The following SV2C variants were observed in gnomAD, a reference collection of about 807,000 sequenced individuals.
SV2C encodes solute carrier family 22 member B3.
In SV2C, 49 loss-of-function variants were observed where a neutral mutation model predicts 79.7. The ratio of observed to expected loss-of-function variants is 0.61; its 90% CI spans 0.49 to 0.78. SV2C has a LOEUF of 0.78. SV2C is among the 30% of genes least tolerant of loss of function. SV2C has a pLI of 0.00. For missense variants in SV2C, 833 were observed against 912.9 expected, an observed-to-expected ratio of 0.91 and a Z score of 1.13; for synonymous variants, 334 against 333.2, an observed-to-expected ratio of 1.00 and a Z score of -0.03.
At chr5:75,946,905 G>A in the SV2C span, among the ~76,000 whole-genome samples, 1 of 152,202 alleles carries the variant, frequency 6.6e-6, no homozygotes, top group African/African-American at 2.4e-5. Context: ...GAAATTTACT[G>A]TATGCCAGAT....
chr5:76,030,396 C>T, the SV2C span, among the ~76,000 whole-genome samples: 1 of 147,592 alleles, frequency 6.8e-6, no homozygotes, highest in Non-Finnish European at 1.5e-5. Flanking sequence ...GAAGAAAGGG[C>T]GTATTGAGCA....
chr5:75,910,209 G>A, the SV2C span: 3 of 376,014 alleles, frequency 8.0e-6, no homozygotes, highest in Non-Finnish European at 1.5e-5. Flanking sequence ...GGCTGAAGCA[G>A]GTGGATTGCA....
At chr5:76,133,088 A>G (rs191937613) in intron 2 of SV2C, among the ~76,000 whole-genome samples, 7 of 152,290 alleles carry the variant, frequency 4.6e-5, no homozygotes, top group Admixed American at 1.3e-4. Flanking sequence ...TTACAAAGCT[A>G]TAGTTAACAC....
intron 2 of SV2C, among the ~76,000 whole-genome samples, chr5:76,194,678 A>G (rs1365282036): frequency 2.0e-5 from 3 of 152,244 alleles, no homozygotes; most frequent in South Asian, 2.1e-4. Flanking sequence ...GTACTCAGCT[A>G]TCTGCAAAAC....
At chr5:75,894,656 A>G in the SV2C span, among the ~76,000 whole-genome samples, 53 of 152,292 alleles carry the variant, frequency 3.5e-4, no homozygotes, top group African/African-American at 1.2e-3. Context: ...GTCAAAAACA[A>G]TCAATGGCAA....
At position 76,173,585 on chromosome 5, in the gene SV2C, A is replaced by G. The variant is rs1743400347; in HGVS notation, c.581-21334A>G. ...AATGCTGGCACTGTTGAATTGGGCAACAGTTCTTCAGACCTGGCTCAGAGC... is the reference window on the plus strand; with the variant it reads ...AATGCTGGCACTGTTGAATTGGGCAGCAGTTCTTCAGACCTGGCTCAGAGC... On this transcript the variant is annotated intron_variant, in intron 2 of 12. Coordinates refer to ENST00000502798, the MANE Select transcript of SV2C (RefSeq NM_014979.4). The G allele has an allele frequency of 1.9e-6, 3 of 1,572,770 alleles. 1 individual carries two copies. In the Middle Eastern group the frequency reaches 5.2e-4, roughly 272 times the overall value.
At chr5:75,849,161 T>C in the SV2C span, among the ~76,000 whole-genome samples, 2 of 152,114 alleles carry the variant, frequency 1.3e-5, no homozygotes, top group South Asian at 2.1e-4. Context: ...TCCCAATAAA[T>C]AGTTGTTGAG....
At chr5:76,011,009 C>T in the SV2C span, among the ~76,000 whole-genome samples, 1 of 152,136 alleles carries the variant, frequency 6.6e-6, no homozygotes, top group African/African-American at 2.4e-5. Flanking sequence ...AAAGAGCACA[C>T]TTGTGAAGGC....
intron 4 of SV2C, among the ~76,000 whole-genome samples, chr5:76,267,617 G>T (rs1746708568): frequency 1.3e-5 from 2 of 152,230 alleles, no homozygotes; most frequent in Non-Finnish European, 2.9e-5. Flanking sequence ...TAGAACAGGT[G>T]ATACATGCTG....
rs1248270188 is a variant in SV2C at position 76,300,754 on chromosome 5, C to T, written c.1662C>T (p.Asp554=). ...ATTTTGAGCCATATAAATTCATTGA[C>T]AGTGAATTTAAAAACTGCTCGTTTT... ...NTDFEPYKFI[D]SEFKNCSFFH... is the part of the protein sequence containing the mutation. Residue 554 remains aspartate (D), a synonymous_variant, in exon 11 of 13, where the codon GAC becomes GAT. Transcript: ENST00000502798. 1.2e-6 allele frequency: 2 copies of T among 1,614,082 alleles called. No homozygotes were observed. Among genetic ancestry groups the T allele is most frequent in the South Asian group, 2.2e-5 (2 of 91,084 alleles).
the SV2C span, among the ~76,000 whole-genome samples, chr5:76,049,025 A>AAGAAAGAAAGAAAGAAAGAG: frequency 6.2e-5 from 3 of 48,156 alleles, no homozygotes; most frequent in Non-Finnish European, 9.7e-5. Flanking sequence ...GAAAGAAAGA[A>AAGAAAGAAAGAAAGAAAGAG]AAAGAAAAGA....
chr5:75,977,329 G>A, the SV2C span, among the ~76,000 whole-genome samples: 2 of 152,124 alleles, frequency 1.3e-5, no homozygotes, highest in Non-Finnish European at 2.9e-5. Context: ...CAATAAGGAC[G>A]TCCTCTTTGT....
chr5:76,158,877 T>G lies in SV2C; in HGVS notation c.580+26547T>G, dbSNP rs138657536. 5.9e-3 allele frequency among the ~76,000 whole-genome samples: 897 copies of G among 152,120 alleles called. 4 individuals carry two copies. Among genetic ancestry groups the G allele is most frequent in the Non-Finnish European group, 8.4e-3 (573 of 67,890 alleles). On this transcript the variant is annotated intron_variant, in intron 2 of 12. Transcript: ENST00000502798. The stretch of plus-strand genomic sequence containing the variant: ...AACTACAAACCAATATTTTTTATTA[T>G]GCATGGAAAAAATTTCTAACAAAAT...
At chr5:76,114,737 G>C (rs1411267511) in intron 1 of SV2C, among the ~76,000 whole-genome samples, 2 of 152,240 alleles carry the variant, frequency 1.3e-5, no homozygotes. Flanking sequence ...TTCTGAAATA[G>C]TGTGCTGTGG....
intron 4 of SV2C, 74 bp downstream of exon 4, chr5:76,209,961 T>G: frequency 6.7e-7 from 1 of 1,502,214 alleles, no homozygotes; most frequent in Non-Finnish European, 8.9e-7. Flanking sequence ...CTTCTTCCTC[T>G]CTTCTAAGGG....
the SV2C span, among the ~76,000 whole-genome samples, chr5:75,894,219 G>C: frequency 6.6e-6 from 1 of 151,918 alleles, no homozygotes; most frequent in Admixed American, 6.6e-5. Context: ...GTCAGAGTAA[G>C]GACTTTCAAA....
At chr5:75,936,639 A>G in the SV2C span, among the ~76,000 whole-genome samples, 1 of 152,228 alleles carries the variant, frequency 6.6e-6, no homozygotes, top group African/African-American at 2.4e-5. Flanking sequence ...GGCTAAAGAC[A>G]GCCATTATAT....
intron 4 of SV2C, among the ~76,000 whole-genome samples, chr5:76,250,507 T>C (rs939544586): frequency 1.5e-4 from 23 of 152,210 alleles, no homozygotes; most frequent in Admixed American, 1.3e-3. Flanking sequence ...CCACCCGTGT[T>C]CTAGATGCAT....
chr5:76,345,715 G>C (rs1478336549), intron 12 of SV2C, among the ~76,000 whole-genome samples: 1 of 152,316 alleles, frequency 6.6e-6, no homozygotes, highest in East Asian at 1.9e-4. Context: ...CACTGTTCTA[G>C]TGCTTTACAA....
Sources: gnomAD v4.1 joint callset for allele counts (sites outside exome capture counted in the v4.1 genomes callset) on GRCh38, gnomAD v4.1.1 for gene constraint, MANE v1.5 for transcripts, NCBI Gene and HGNC (gene_info 2026-07-23, HGNC 2026-07-21) for gene names.